Variants in INF2 observed in about 807,000 individuals in gnomAD.
INF2 encodes inverted formin 2.
INF2 carries 43 observed loss-of-function variants against 123.5 expected under a neutral mutation model. The ratio of observed to expected loss-of-function variants is 0.35; its 90% confidence interval spans 0.27 to 0.45. The LOEUF (loss-of-function observed/expected upper bound fraction) is 0.45, where lower values mean the gene tolerates loss of function less well. Among genes scored for constraint, INF2 ranks in the 20% least tolerant of loss-of-function variants. The pLI is 1.00. For synonymous variants in INF2, 851 were observed against 745.0 expected (o/e 1.14, Z -2.32); for missense variants, 1,453 against 1,682.7 (o/e 0.86, Z 2.39).
In INF2 at chr14:104,707,407, G is replaced by T. The variant is rs1018844005; in HGVS notation, c.1140G>T (p.Lys380Asn). The change falls in exon 8 of 23, where the codon AAG becomes AAT. Residue 380 changes from lysine (K) to asparagine (N), a missense_variant. Physicochemically the swap from Lys to Asn is moderately conservative, Grantham distance 94. Around this residue, in one of 8 missense-constraint regions of INF2, gnomAD observed 374 missense variants for 303.7 expected, o/e 1.23. Coordinates refer to ENST00000392634, the MANE Select transcript of INF2 (RefSeq NM_022489.4). ...CCCCGCAAAACACTACAACCCCCAA[G>T]CCCAGCGTGGAGGGCCAGCAGCCAG... Reference protein sequence around the residue: ...GSSPQNTTTPKPSVEGQQPAA... With the variant: ...GSSPQNTTTPNPSVEGQQPAA... The T allele has an allele frequency of 3.2e-6, 5 of 1,584,134 alleles. No individual in the cohort carries two copies. The highest frequency in any genetic ancestry group is 1.4e-5 in the African/African-American group (1 of 73,970).
chr14:104,714,819 G>A lies in INF2; in HGVS notation c.3657G>A (p.Gly1219=). 6.3e-7 allele frequency: 1 copy of A among 1,594,200 alleles called. No individual in the cohort carries two copies. Among genetic ancestry groups the A allele is most frequent in the Non-Finnish European group, 8.5e-7 (1 of 1,172,780 alleles). The change falls in exon 21 of 23, where the codon GGG becomes GGA. Residue 1219 remains glycine, a synonymous_variant. Transcript: ENST00000392634. ...GGGGCCGGGCCTCAAAGGGGACCGG[G>A]AAGCGAAGGAAGAAGCGTCCCTCCA... ...RARGRASKGT[G]KRRKKRPSRS... is the part of the protein sequence containing the mutation.
chr14:104,707,704 C>G lies in INF2; in HGVS notation c.1437C>G (p.Pro479=), dbSNP rs1284032263. ...MAPPAPPLPP[P]LPGSCEFLPP... is the part of the protein sequence containing the mutation. ...CCCCAGCACCTCCTCTACCACCACCCCTGCCAGGCTCCTGTGAGTTCCTGC... is the reference window on the plus strand; with the variant it reads ...CCCCAGCACCTCCTCTACCACCACCGCTGCCAGGCTCCTGTGAGTTCCTGC... Residue 479 remains proline, a synonymous_variant, in exon 8 of 23, where the codon CCC becomes CCG. Transcript: ENST00000392634. 1.2e-5 allele frequency: 15 copies of G among 1,221,836 alleles called. No individual in the cohort carries two copies. The East Asian group carries it at 3.9e-4, about 31-fold the overall frequency. The allele number at this position is 1,221,836 out of a possible 1,614,324, so 75.7% of individuals were successfully genotyped here. A position where few individuals can be genotyped will look rare whatever the true frequency, so the allele number is the denominator to read the frequency against.
intron 2 of INF2, 126 bp downstream of exon 2, chr14:104,701,882 G>A: frequency 9.2e-7 from 1 of 1,088,332 alleles, no homozygotes. Flanking sequence ...AGGCAAGGAG[G>A]GCTTCCTGGA....
At position 104,701,446 on chromosome 14, in the gene INF2, G is replaced by C. The variant is rs1889489463; in HGVS notation, c.81G>C (p.Glu27Asp). ...GGCCACAGGATTCGGACCCCACGGA[G>C]GCCAACCTGGAGAGCGCGGACCCCG... ...KLGPQDSDPT[E>D]ANLESADPEL... is the part of the protein sequence containing the mutation. Residue 27 changes from glutamate (E) to aspartate (D), a missense_variant, in exon 2 of 23, where the codon GAG becomes GAC. Glu to Asp is a conservative substitution (Grantham distance 45). Coordinates refer to ENST00000392634, the MANE Select transcript of INF2 (RefSeq NM_022489.4). 1.3e-6 allele frequency: 2 copies of C among 1,597,500 alleles called. No homozygotes were observed. The highest frequency in any genetic ancestry group is 2.7e-5 in the African/African-American group (2 of 74,714).
At position 104,708,766 on chromosome 14, in the gene INF2, C is replaced by T. The variant is rs180945382; in HGVS notation, c.1949+34C>T. On this transcript the variant is annotated intron_variant, in intron 10 of 22. Coordinates refer to ENST00000392634, the MANE Select transcript of INF2 (RefSeq NM_022489.4). ...GGGAGGTAGCCCCCATCCCAGGCCA[C>T]GGAGCCTCGCCTCCACCTGAGCCTT... 1.0e-4 allele frequency: 160 copies of T among 1,606,506 alleles called. No individual in the cohort carries two copies. In the African/African-American group the frequency reaches 1.3e-3, roughly 13 times the overall value.
At chr14:104,683,154 CTGGGGGAGGGGTCTGCGGGTGGCTGCAA>C (rs1162927313) in intron 1 of INF2, among the ~76,000 whole-genome samples, 3 of 124,278 alleles carry the variant, frequency 2.4e-5, no homozygotes, top group Admixed American at 8.7e-5. Context: ...ACACAGAGAC[CTGGGGGAGGGGTCTGCGGGTGGCTGCAA>C]TGGGGGAGGG....
chr14:104,682,522 G>C (rs1453719538), intron 1 of INF2, among the ~76,000 whole-genome samples: 1 of 152,180 alleles, frequency 6.6e-6, no homozygotes, highest in Non-Finnish European at 1.5e-5. Context: ...CAGCCATCCG[G>C]CCTTTGGGAT....
At chr14:104,693,745 G>A (rs896926759) in intron 1 of INF2, among the ~76,000 whole-genome samples, 12 of 152,182 alleles carry the variant, frequency 7.9e-5, no homozygotes, top group Non-Finnish European at 1.3e-4. Flanking sequence ...CCAGCTGTGC[G>A]AGGAGGGCCA....
intron 5 of INF2, chr14:104,704,327 A>C: frequency 2.1e-6 from 1 of 481,642 alleles, no homozygotes; most frequent in Non-Finnish European, 3.4e-6. Flanking sequence ...AGACAGGGAC[A>C]CGGGCTCCAG....
intron 22 of INF2, among the ~76,000 whole-genome samples, chr14:104,717,301 C>CCG (rs1555375994): frequency 7.0e-6 from 1 of 143,204 alleles, no homozygotes; most frequent in Non-Finnish European, 1.5e-5. Context: ...CCAGTCCCCC[C>CCG]CCCGGGCAGG....
rs757853615 is a variant in INF2, at chr14:104,708,739, G to A, written c.1949+7G>A. 1.2e-6 allele frequency: 2 copies of A among 1,612,910 alleles called. No homozygotes were observed. The highest frequency in any genetic ancestry group is 3.3e-5 in the Admixed American group (2 of 60,028). ...TCCTGAAGCAATTTAAGTGGTGAGT[G>A]AGGGAGGTAGCCCCCATCCCAGGCC... On this transcript the variant is annotated splice_region_variant and intron_variant, in intron 10 of 22. Transcript: ENST00000392634.
Position 104,681,485 on chromosome 14 carries a change from A to G in INF2, c.-201A>G, listed in dbSNP as rs149626819. On this transcript the variant is annotated 5_prime_UTR_variant, in exon 1 of 3. Coordinates refer to the INF2 transcript ENST00000674723. Reference sequence around the variant, plus strand: ...TGTAGAAAGCACTCAGCTAAGCCCTAGTTACCGGCACACGGGCACCAGCGC... The same window carrying G: ...TGTAGAAAGCACTCAGCTAAGCCCTGGTTACCGGCACACGGGCACCAGCGC... 359 of 1,028,830 alleles carry G rather than the reference A, an allele frequency of 3.5e-4. No individual in the cohort carries two copies. The Middle Eastern group carries it at 4.0e-3, about 12-fold the overall frequency. 63.7% of individuals were successfully genotyped at this position (1,028,830 alleles called of 1,614,324 possible).
Position 104,706,106 on chromosome 14 carries a change from A to T in INF2, c.773A>T (p.Glu258Val), listed in dbSNP as rs777657817. 3 of 1,612,272 alleles carry T rather than the reference A, an allele frequency of 1.9e-6. No individual in the cohort carries two copies. In the East Asian group the frequency reaches 6.7e-5, roughly 36 times the overall value. ...GAGGCTAAGGCCGAGGACGAGGAGGAGCTGCTGCGAGTCTCTGGCGGGGTC... is the reference window on the plus strand; with the variant it reads ...GAGGCTAAGGCCGAGGACGAGGAGGTGCTGCTGCGAGTCTCTGGCGGGGTC... The part of the protein sequence containing the change: ...FEEAKAEDEE[E>V]LLRVSGGVDM... The change falls in exon 6 of 23, where the codon GAG becomes GTG. Residue 258 changes from glutamate to valine, a missense_variant. Physicochemically the swap from Glu to Val is moderately radical, Grantham distance 121. Transcript: ENST00000392634.
intron 1 of INF2, among the ~76,000 whole-genome samples, chr14:104,682,723 T>C (rs554084078): frequency 5.3e-5 from 8 of 152,242 alleles, no homozygotes; most frequent in Admixed American, 2.6e-4. Context: ...GGGAATTATT[T>C]ACCCTAACTC....
At chr14:104,694,097 G>A (rs1595154569) in intron 1 of INF2, among the ~76,000 whole-genome samples, 1 of 152,372 alleles carries the variant, frequency 6.6e-6, no homozygotes, top group African/African-American at 2.4e-5. Context: ...GCCAGGCCAG[G>A]CTGTGGAGGT....
At chr14:104,698,558 A>G (rs776841333) in intron 1 of INF2, among the ~76,000 whole-genome samples, 2 of 152,224 alleles carry the variant, frequency 1.3e-5, no homozygotes, top group Non-Finnish European at 2.9e-5. Flanking sequence ...TTGGGCTCCT[A>G]TGAGATGAGA....
intron 6 of INF2, among the ~76,000 whole-genome samples, 181 bp from the exon 7 acceptor site, chr14:104,706,729 C>T (rs1889796427): frequency 1.3e-5 from 2 of 152,158 alleles, no homozygotes; most frequent in South Asian, 2.1e-4. Flanking sequence ...TGTTTAACAT[C>T]CCATAATGCA....
chr14:104,706,711 A>C (rs1889795788), intron 6 of INF2, among the ~76,000 whole-genome samples, 199 bp from the exon 7 acceptor site: 1 of 152,138 alleles, frequency 6.6e-6, no homozygotes, highest in Non-Finnish European at 1.5e-5. Flanking sequence ...GGTAGAGACC[A>C]GTGGTTCTGT....
intron 1 of INF2, among the ~76,000 whole-genome samples, chr14:104,691,783 CT>C (rs1303831795): frequency 6.6e-6 from 1 of 152,110 alleles, no homozygotes; most frequent in African/African-American, 2.4e-5. Flanking sequence ...ACCTGGCCCC[CT>C]GTTAGAGAGG....
Sources: allele counts gnomAD v4.1 joint callset (sites outside exome capture counted in the v4.1 genomes callset), GRCh38; gene constraint gnomAD v4.1.1; regional missense constraint gnomAD v4.1.1; transcripts MANE v1.5; gene names NCBI Gene and HGNC (gene_info 2026-07-23, HGNC 2026-07-21).